The following KDM2A variants were observed in gnomAD, a reference collection of about 807,000 sequenced individuals.
KDM2A encodes lysine-specific demethylase 2A.
A neutral mutation model predicts 137.3 loss-of-function variants in KDM2A; 3 were observed. The observed-to-expected ratio is 0.02, with a 90% CI of 0.01 to 0.06. The LOEUF (loss-of-function observed/expected upper bound fraction) is 0.06. Among genes scored for constraint, KDM2A ranks in the 10% least tolerant of loss-of-function variants. KDM2A has a pLI of 1.00. For missense variants in KDM2A, 738 were observed against 1,510.6 expected (o/e 0.49, Z 8.48); for synonymous variants, 512 against 541.5 (o/e 0.95, Z 0.76).
intron 2 of KDM2A, among the ~76,000 whole-genome samples, chr11:67,179,727 C>T (rs950524653): frequency 6.6e-6 from 1 of 152,194 alleles, no homozygotes; most frequent in Non-Finnish European, 1.5e-5. Flanking sequence ...TGTATCCTGG[C>T]TTGAAATTTC....
chr11:67,125,010 G>A (rs1233394271), intron 2 of KDM2A, among the ~76,000 whole-genome samples: 3 of 150,800 alleles, frequency 2.0e-5, no homozygotes, highest in Non-Finnish European at 3.0e-5. Context: ...GGCGCCCGCC[G>A]CCACACCCGG....
rs946809302 is a variant in KDM2A at position 67,245,131 on chromosome 11, A to G, written c.1564-58A>G. 5.7e-6 allele frequency: 9 copies of G among 1,579,948 alleles called. No homozygotes were observed. The Admixed American group carries it at 1.5e-4, about 27-fold the overall frequency. ...TAGGTATGCTACCATGTAATCTTCT[A>G]CCCTATCCAGTCTTAAAGCAACCTG... On this transcript the variant is annotated intron_variant, in intron 13 of 20. Coordinates refer to ENST00000529006, the MANE Select transcript of KDM2A (RefSeq NM_012308.3). This position sits in a 1 kb window ranked among gnomAD's most constrained non-coding sequence, Gnocchi z 4.1.
rs191097382 is a variant in KDM2A, at chr11:67,160,250, C to G, written c.43-19829C>G. 2.6e-5 allele frequency among the ~76,000 whole-genome samples: 4 copies of G among 152,234 alleles called. No individual in the cohort carries two copies. In the East Asian group the frequency reaches 7.7e-4, roughly 29 times the overall value. ...CATCAGTAGAGTTTGTCTTTGTAGC[C>G]TCGAGGGATCATTATTGATGTCTCT... On this transcript the variant is annotated intron_variant, in intron 2 of 20. Transcript: ENST00000529006.
Position 67,257,956 on chromosome 11 carries a change from G to C in KDM2A, c.*2901G>C, listed in dbSNP as rs1407080652. On this transcript the variant is annotated 3_prime_UTR_variant, in exon 21 of 21. Transcript: ENST00000529006. ...TGACACGTGGGAATGGGTGATATTTGTGTAATAAAATTTTTAAAAGACAAA... is the reference window on the plus strand; with the variant it reads ...TGACACGTGGGAATGGGTGATATTTCTGTAATAAAATTTTTAAAAGACAAA... The C allele has an allele frequency of 2.0e-5, 3 of 152,044 alleles. No individual in the cohort carries two copies. Among genetic ancestry groups the C allele is most frequent in the Non-Finnish European group, 4.4e-5 (3 of 68,008 alleles). The allele number at this position is 152,044 out of a possible 1,614,324, so 9.4% of individuals were successfully genotyped here. A position where few individuals can be genotyped will look rare whatever the true frequency, so the allele number is the denominator to read the frequency against.
intron 2 of KDM2A, among the ~76,000 whole-genome samples, chr11:67,168,582 T>TAC (rs71056179): frequency 8.8e-5 from 3 of 34,000 alleles, no homozygotes; most frequent in African/African-American, 4.0e-4. Flanking sequence ...GTATGAATTA[T>TAC]ACACACACAC....
Position 67,248,275 on chromosome 11 carries a change from C to T in KDM2A, c.1966-6C>T. The T allele has an allele frequency of 6.3e-7, 1 of 1,596,124 alleles. No individual in the cohort carries two copies. The highest frequency in any genetic ancestry group is 8.6e-7 in the Non-Finnish European group (1 of 1,168,900). ...GGCTTTTAAAAACATCTCTGTCTTC[C>T]TATAGATGGACGGAGAGGGGTTGCT... On this transcript the variant is annotated splice_region_variant and splice_polypyrimidine_tract_variant and intron_variant, in intron 15 of 20. Transcript: ENST00000529006.
At chr11:67,192,281 T>G (rs898848840) in intron 5 of KDM2A, among the ~76,000 whole-genome samples, 7 of 152,160 alleles carry the variant, frequency 4.6e-5, no homozygotes, top group Admixed American at 3.9e-4. Flanking sequence ...TTTTTAAACA[T>G]TAACAAATGG....
intron 2 of KDM2A, among the ~76,000 whole-genome samples, chr11:67,161,748 T>G (rs572326527): frequency 6.6e-6 from 1 of 152,328 alleles, no homozygotes; most frequent in East Asian, 1.9e-4. Context: ...ACTATTTTCA[T>G]AACAGTACTA....
chr11:67,163,684 C>T (rs1049846524), intron 2 of KDM2A, among the ~76,000 whole-genome samples: 2 of 151,922 alleles, frequency 1.3e-5, no homozygotes, highest in African/African-American at 2.4e-5. Context: ...GGTGAAACCC[C>T]GTGTCTACTA....
At position 67,172,084 on chromosome 11, in the gene KDM2A, G is replaced by A. The variant is rs1856892211; in HGVS notation, c.43-7995G>A. Among the ~76,000 whole-genome samples the A allele has an allele frequency of 2.6e-5, 4 of 152,204 alleles. No individual in the cohort carries two copies. In the Middle Eastern group the frequency reaches 0.014, roughly 521 times the overall value. On this transcript the variant is annotated intron_variant, in intron 2 of 20. Coordinates refer to ENST00000529006, the MANE Select transcript of KDM2A (RefSeq NM_012308.3). ...GGCTTACTGCAGCCTCAACCTCCGG[G>A]ACTCAAGCCATCCTTCTACCTCAGC...
chr11:67,209,424 AATTTT>A (rs1172926523), intron 6 of KDM2A, among the ~76,000 whole-genome samples: 5 of 150,424 alleles, frequency 3.3e-5, no homozygotes, highest in Admixed American at 1.3e-4. Flanking sequence ...ATATTTCTAG[AATTTT>A]ATTTTATTAT....
At chr11:67,237,200 G>C (rs879298320) in intron 12 of KDM2A, among the ~76,000 whole-genome samples, 3 of 152,114 alleles carry the variant, frequency 2.0e-5, no homozygotes, top group Non-Finnish European at 4.4e-5. Context: ...TCTTATCTAA[G>C]AATCTTAACA....
At chr11:67,134,183 G>A (rs765745628) in intron 2 of KDM2A, among the ~76,000 whole-genome samples, 2 of 152,192 alleles carry the variant, frequency 1.3e-5, no homozygotes, top group South Asian at 4.1e-4. Flanking sequence ...TGAGGCTTTA[G>A]ACAGTTGGAG....
intron 5 of KDM2A, among the ~76,000 whole-genome samples, chr11:67,187,533 A>T (rs570563301): frequency 1.3e-5 from 2 of 150,580 alleles, no homozygotes; most frequent in African/African-American, 2.5e-5. Flanking sequence ...GACATTTATT[A>T]ATTTATTTAA....
chr11:67,212,999 A>G (rs1477064051), intron 6 of KDM2A, among the ~76,000 whole-genome samples: 2 of 152,198 alleles, frequency 1.3e-5, no homozygotes, highest in Non-Finnish European at 2.9e-5. Context: ...ATGTTCTGGG[A>G]CCGGCGGATG....
At chr11:67,173,075 G>A (rs1320533821) in intron 2 of KDM2A, among the ~76,000 whole-genome samples, 1 of 151,910 alleles carries the variant, frequency 6.6e-6, no homozygotes, top group African/African-American at 2.4e-5. Context: ...ACTGCAGCTT[G>A]GACCTCTCCA....
chr11:67,132,820 A>C (rs1044771565), intron 2 of KDM2A, among the ~76,000 whole-genome samples: 2 of 152,330 alleles, frequency 1.3e-5, no homozygotes, highest in Admixed American at 1.3e-4. Flanking sequence ...CCCCACCCCA[A>C]ACTTACTGAA....
chr11:67,160,022 T>TA (rs1856600665), intron 2 of KDM2A, among the ~76,000 whole-genome samples: 1 of 152,204 alleles, frequency 6.6e-6, no homozygotes, highest in African/African-American at 2.4e-5. Flanking sequence ...TTTATGTGTA[T>TA]ATTACCACAC....
intron 5 of KDM2A, among the ~76,000 whole-genome samples, chr11:67,199,733 A>G (rs1454596998): frequency 6.6e-6 from 1 of 152,270 alleles, no homozygotes; most frequent in Non-Finnish European, 1.5e-5. Flanking sequence ...ACATGCTGAT[A>G]TAGAAGCTGC....
Sources: allele counts gnomAD v4.1 joint callset (sites outside exome capture counted in the v4.1 genomes callset), GRCh38; gene constraint gnomAD v4.1.1; non-coding constraint Gnocchi (gnomAD v3.1); transcripts MANE v1.5; gene names NCBI Gene and HGNC (gene_info 2026-07-23, HGNC 2026-07-21).